The following PLCL2 variants were observed in gnomAD, a reference collection of about 807,000 sequenced individuals.
PLCL2 encodes the protein inactive phospholipase C-like protein 2.
In PLCL2, 4 loss-of-function variants were observed where a neutral mutation model predicts 79.6. The ratio of observed to expected loss-of-function variants is 0.05; its 90% CI spans 0.02 to 0.11. The LOEUF (loss-of-function observed/expected upper bound fraction) is 0.11. PLCL2 is among the 10% of genes least tolerant of loss of function. The pLI is 1.00. For synonymous variants in PLCL2, 484 were observed against 457.7 expected (o/e 1.06, Z -0.73); for missense variants, 895 against 1,291.0 (o/e 0.69, Z 4.70).
At chr3:16,909,916 A>G (rs528461243) in intron 1 of PLCL2, among the ~76,000 whole-genome samples, 8 of 152,234 alleles carry the variant, frequency 5.3e-5, no homozygotes, top group South Asian at 2.1e-4. Flanking sequence ...TTATTTGGCT[A>G]TGGCCCACTA....
At chr3:17,066,427 T>C (rs2065011739) in intron 4 of PLCL2, among the ~76,000 whole-genome samples, 1 of 152,230 alleles carries the variant, frequency 6.6e-6, no homozygotes, top group Non-Finnish European at 1.5e-5. Flanking sequence ...TTTTGCTTGA[T>C]ATTTAAAGAC....
intron 1 of PLCL2, among the ~76,000 whole-genome samples, chr3:16,955,843 G>A (rs1180110939): frequency 6.6e-6 from 1 of 152,140 alleles, no homozygotes; most frequent in East Asian, 1.9e-4. Context: ...TGTTATTGGT[G>A]TATAAGAATG....
chr3:16,901,977 T>G (rs1696629790), intron 1 of PLCL2, among the ~76,000 whole-genome samples: 1 of 152,224 alleles, frequency 6.6e-6, no homozygotes, highest in Admixed American at 6.5e-5. Flanking sequence ...ACTTGTTCCA[T>G]AGCCATAGCT....
rs542707907 is a variant in PLCL2 at position 17,046,069 on chromosome 3, C to T, written c.3094+3120C>T. On this transcript the variant is annotated intron_variant, in intron 4 of 5. Transcript: ENST00000615277. ...GATCCTGCAGGGGTGATATGGGATG[C>T]GTGAGTCTGGGCCGCCATGGGAGTG... 7.7e-4 allele frequency among the ~76,000 whole-genome samples: 117 copies of T among 152,110 alleles called. No individual in the cohort carries two copies. The South Asian group carries it at 9.6e-3, about 12-fold the overall frequency.
At chr3:16,957,014 G>C (rs1435114308) in intron 1 of PLCL2, among the ~76,000 whole-genome samples, 2 of 151,986 alleles carry the variant, frequency 1.3e-5, no homozygotes, top group Non-Finnish European at 2.9e-5. Context: ...AGGGTTTTTT[G>C]TGTCTCTATT....
chr3:16,967,476 G>T (rs149550350), intron 1 of PLCL2, among the ~76,000 whole-genome samples: 2 of 151,990 alleles, frequency 1.3e-5, no homozygotes, highest in Non-Finnish European at 2.9e-5. Flanking sequence ...GTATGAGATG[G>T]TATCTCATTG....
chr3:16,888,589 C>T (rs1431081414), intron 1 of PLCL2, among the ~76,000 whole-genome samples: 1 of 152,166 alleles, frequency 6.6e-6, no homozygotes, highest in Middle Eastern at 3.2e-3. Context: ...ATGAAAACAT[C>T]ACTTTCATTT....
At chr3:17,022,878 G>A (rs1473847584) in intron 3 of PLCL2, among the ~76,000 whole-genome samples, 5 of 152,132 alleles carry the variant, frequency 3.3e-5, no homozygotes, top group Non-Finnish European at 5.9e-5. Flanking sequence ...TTTTAATTCT[G>A]TTGGTAAACT....
chr3:17,073,504 G>A (rs1373910627), intron 5 of PLCL2, among the ~76,000 whole-genome samples: 1 of 152,150 alleles, frequency 6.6e-6, no homozygotes, highest in South Asian at 2.1e-4. Flanking sequence ...GAAGGCTGGG[G>A]TGGCTTGTGG....
At chr3:17,082,309 AT>A (rs796353093) in intron 5 of PLCL2, among the ~76,000 whole-genome samples, 95 of 144,934 alleles carry the variant, frequency 6.6e-4, no homozygotes, top group Middle Eastern at 7.1e-3. Context: ...ATGCCAGCTA[AT>A]TTTTTTTTTT....
At chr3:17,054,999 C>T (rs1240266544) in intron 4 of PLCL2, among the ~76,000 whole-genome samples, 1 of 152,128 alleles carries the variant, frequency 6.6e-6, no homozygotes, top group Non-Finnish European at 1.5e-5. Context: ...TTCTAAATTA[C>T]AGTGAACTAA....
chr3:16,970,302 A>G (rs1160127119), intron 1 of PLCL2, among the ~76,000 whole-genome samples: 1 of 151,896 alleles, frequency 6.6e-6, no homozygotes, highest in Non-Finnish European at 1.5e-5. Flanking sequence ...ATAAGTGAGA[A>G]CATGCGGTGT....
chr3:16,973,207 C>T lies in PLCL2; in HGVS notation c.328-36467C>T, dbSNP rs375782198. 1.1e-4 allele frequency among the ~76,000 whole-genome samples: 16 copies of T among 152,246 alleles called. No homozygotes were observed. In the East Asian group the frequency reaches 2.9e-3, roughly 28 times the overall value. ...ATAGATTTCCTTAACATTTGTCTGT[C>T]TGAAAATGATCTTATTTCTCCCTTG... On this transcript the variant is annotated intron_variant, in intron 1 of 5. Coordinates refer to ENST00000615277, the MANE Select transcript of PLCL2 (RefSeq NM_001144382.2).
intron 1 of PLCL2, among the ~76,000 whole-genome samples, chr3:16,953,721 G>A (rs141299915): frequency 2.0e-5 from 3 of 151,854 alleles, no homozygotes; most frequent in African/African-American, 7.3e-5. Context: ...AATTAGATGG[G>A]TTAAAATTAG....
At position 16,922,510 on chromosome 3, in the gene PLCL2, GTACTCTTCCTATGCATGTATGCATTTA is replaced by G. The variant is rs781668776; in HGVS notation, c.327+37171_327+37197del. On this transcript the variant is annotated intron_variant, in intron 1 of 5. Coordinates refer to ENST00000615277, the MANE Select transcript of PLCL2 (RefSeq NM_001144382.2). The stretch of plus-strand genomic sequence containing the variant: ...TGTCTTCCTATGCATGTATGCATTT[GTACTCTTCCTATGCATGTATGCATTTA>G]TACTCTTCCTATGCATGTATGCATT... 6.6e-5 allele frequency among the ~76,000 whole-genome samples: 10 copies of G among 152,162 alleles called. No individual in the cohort carries two copies. In the East Asian group the frequency reaches 1.5e-3, roughly 23 times the overall value.
At chr3:17,003,612 A>G (rs1359982251) in intron 1 of PLCL2, among the ~76,000 whole-genome samples, 1 of 152,128 alleles carries the variant, frequency 6.6e-6, no homozygotes, top group Non-Finnish European at 1.5e-5. Flanking sequence ...AGGCAGCCCT[A>G]TGCACCTGGG....
rs764129730 is a variant in PLCL2 at position 17,011,115 on chromosome 3, C to T, written c.1769C>T (p.Ala590Val). Reference protein sequence around the residue: ...EGDVTDEDEGAEMSQRMGKEN... With the variant: ...EGDVTDEDEGVEMSQRMGKEN... ...GATGTTACTGACGAAGATGAAGGAG[C>T]AGAAATGTCTCAGAGGATGGGAAAA... The change falls in exon 2 of 6, where the codon GCA becomes GTA. Residue 590 changes from alanine (A) to valine (V), a missense_variant. Physicochemically the swap from Ala to Val is moderately conservative, Grantham distance 64. Coordinates refer to ENST00000615277, the MANE Select transcript of PLCL2 (RefSeq NM_001144382.2). The surrounding 1 kb of genome is among the most constrained non-coding windows in gnomAD (Gnocchi z 7.9). 1.5e-5 allele frequency: 25 copies of T among 1,613,918 alleles called. No individual in the cohort carries two copies. The East Asian group carries it at 4.5e-4, about 29-fold the overall frequency.
At chr3:17,042,810 G>A (rs778014333) in intron 3 of PLCL2, 64 bp from the exon 4 acceptor site, 44 of 1,120,892 alleles carry the variant, frequency 3.9e-5, no homozygotes, top group Non-Finnish European at 5.9e-5. Context: ...AGAGCCTTGT[G>A]CATGAATGCA....
chr3:16,945,312 C>T lies in PLCL2; in HGVS notation c.327+59946C>T, dbSNP rs57781876. On this transcript the variant is annotated intron_variant, in intron 1 of 5. Transcript: ENST00000615277. ...TTGTCTTCTCTTTCTGGCTTTTCTC[C>T]GTAGTATTTATATTATATATCTTAC... Among the ~76,000 whole-genome samples the T allele has an allele frequency of 3.2e-3, 483 of 152,050 alleles. 4 individuals are homozygous for T. Among genetic ancestry groups the T allele is most frequent in the African/African-American group, 0.011 (458 of 41,482 alleles).
Sources: gnomAD v4.1 joint callset for allele counts (sites outside exome capture counted in the v4.1 genomes callset) on GRCh38, gnomAD v4.1.1 for gene constraint, Gnocchi (gnomAD v3.1) non-coding constraint, MANE v1.5 for transcripts, NCBI Gene and HGNC (gene_info 2026-07-23, HGNC 2026-07-21) for gene names.